HS2ST1: variants seen among roughly 807,000 people sequenced by gnomAD.
HS2ST1 encodes the protein 2-O-sulfotransferase.
HS2ST1 carries 18 observed loss-of-function variants against 42.9 expected under a neutral mutation model. The observed-to-expected ratio is 0.42, with a 90% CI of 0.29 to 0.62. The LOEUF is 0.62. HS2ST1 is among the 20% of genes least tolerant of loss of function. HS2ST1 has a pLI of 0.21. For missense variants in HS2ST1, 334 were observed against 433.8 expected (o/e 0.77, Z 2.04); for synonymous variants, 146 against 152.9 (o/e 0.95, Z 0.33).
At position 87,072,823 on chromosome 1, in the gene HS2ST1, T is replaced by C; in HGVS notation, c.125-111T>C. ...TCCATATCCCTTGGTTCTTTGCTTT[T>C]GTTTTTTGTTTTCTTTTTTGTATCT... is the stretch of plus-strand genomic sequence containing the variant. On this transcript the variant is annotated intron_variant, in intron 1 of 6. Transcript: ENST00000370550. The C allele has an allele frequency of 6.6e-6, 5 of 761,238 alleles. No homozygotes were observed. In the South Asian group the frequency reaches 7.5e-5, roughly 11 times the overall value. 47.2% of individuals were successfully genotyped at this position (761,238 alleles called of 1,614,324 possible).
At chr1:86,958,619 T>C (rs1172813102) in intron 1 of HS2ST1, 1 of 152,232 alleles carries the variant, frequency 6.6e-6, no homozygotes, top group Non-Finnish European at 1.5e-5. Flanking sequence ...AAAAGCTAAA[T>C]GTTTTATTTT....
At chr1:87,030,163 G>C (rs1650192347) in intron 1 of HS2ST1, among the ~76,000 whole-genome samples, 1 of 152,152 alleles carries the variant, frequency 6.6e-6, no homozygotes, top group African/African-American at 2.4e-5. Context: ...TATGCTGGTT[G>C]ACTGTTTTAC....
At chr1:87,088,916 A>G (rs896072000) in intron 3 of HS2ST1, among the ~76,000 whole-genome samples, 19 of 152,052 alleles carry the variant, frequency 1.2e-4, no homozygotes, top group Admixed American at 3.9e-4. Flanking sequence ...GAAAGTTTCT[A>G]TGAAGCTTTA....
At chr1:86,916,730 T>G (rs1328327365) in intron 1 of HS2ST1, among the ~76,000 whole-genome samples, 1 of 152,236 alleles carries the variant, frequency 6.6e-6, no homozygotes, top group African/African-American at 2.4e-5. Flanking sequence ...CAGGGTCATA[T>G]TCTGGCGTTA....
chr1:87,025,971 TTC>T (rs1650077580), intron 1 of HS2ST1, among the ~76,000 whole-genome samples: 1 of 152,228 alleles, frequency 6.6e-6, no homozygotes, highest in African/African-American at 2.4e-5. Context: ...CTGAGGCTGT[TTC>T]TATGATTTAA....
At chr1:87,091,389 A>C (rs1651939121) in intron 3 of HS2ST1, among the ~76,000 whole-genome samples, 1 of 152,016 alleles carries the variant, frequency 6.6e-6, no homozygotes, top group South Asian at 2.1e-4. Context: ...TTAGATCAAT[A>C]AGGTGGTACC....
chr1:86,959,843 A>G (rs545918079), intron 1 of HS2ST1, among the ~76,000 whole-genome samples: 4 of 152,254 alleles, frequency 2.6e-5, no homozygotes, highest in South Asian at 4.1e-4. Flanking sequence ...GGCAGACTCA[A>G]TATTGTTAAG....
At chr1:87,095,633 A>ATAACTAT (rs1652042970) in intron 4 of HS2ST1, among the ~76,000 whole-genome samples, 1 of 152,198 alleles carries the variant, frequency 6.6e-6, no homozygotes, top group Non-Finnish European at 1.5e-5. Flanking sequence ...TGAGCATTGA[A>ATAACTAT]TAACTATATC....
rs74099365 is a variant in HS2ST1, at chr1:86,947,436, C to T, written c.124+32276C>T. Reference sequence around the variant, plus strand: ...ATTCCAGAAAAATATCTGTTGTTTGCGTATTACTTGCCCTTGTTTAGTATA... The same window carrying T: ...ATTCCAGAAAAATATCTGTTGTTTGTGTATTACTTGCCCTTGTTTAGTATA... On this transcript the variant is annotated intron_variant, in intron 1 of 6. Coordinates refer to ENST00000370550, the MANE Select transcript of HS2ST1 (RefSeq NM_012262.4). 3.6e-3 allele frequency among the ~76,000 whole-genome samples: 543 copies of T among 152,210 alleles called. 2 individuals carry two copies. The highest frequency in any genetic ancestry group is 0.013 in the African/African-American group (520 of 41,534).
At chr1:87,039,907 A>G (rs10127488) in intron 1 of HS2ST1, among the ~76,000 whole-genome samples, 105,912 of 152,088 alleles carry the variant, frequency 0.7, 39,173 homozygotes, top group East Asian at 0.97. Context: ...GAGTGACAGT[A>G]TTCAATGCAA....
chr1:87,006,924 G>A (rs370120033), intron 1 of HS2ST1, among the ~76,000 whole-genome samples: 5 of 151,942 alleles, frequency 3.3e-5, no homozygotes, highest in African/African-American at 4.8e-5. Flanking sequence ...TTCATTATAC[G>A]GCTGCTAGTA....
Position 86,966,138 on chromosome 1 carries a change from C to G in HS2ST1, c.124+50978C>G, listed in dbSNP as rs562347046. ...TATTTCTCTGGTAGGGGCTTCTTGT[C>G]CTTTGTGACTTTAGCTCTTATCAGA... On this transcript the variant is annotated intron_variant, in intron 1 of 6. Transcript: ENST00000370550. Among the ~76,000 whole-genome samples the G allele has an allele frequency of 3.0e-4, 45 of 152,286 alleles. No homozygotes were observed. In the South Asian group the frequency reaches 9.1e-3, roughly 31 times the overall value.
chr1:87,072,940 C>G lies in HS2ST1; in HGVS notation c.131C>G (p.Ala44Gly), dbSNP rs1651453702. The G allele has an allele frequency of 3.7e-6, 6 of 1,612,412 alleles. No individual in the cohort carries two copies. The highest frequency in any genetic ancestry group is 5.1e-6 in the Non-Finnish European group (6 of 1,178,596). Residue 44 changes from alanine to glycine, a missense_variant, in exon 2 of 7, where the codon GCT becomes GGT. By Grantham distance (60) the Ala-to-Gly change is moderately conservative (BLOSUM62 0). Coordinates refer to ENST00000370550, the MANE Select transcript of HS2ST1 (RefSeq NM_012262.4). ...LEESRSKLER[A>G]IARHEVREIE... ...TATCTGTTTTTCTTTCCAGAAAGGG[C>G]TATTGCAAGACACGAAGTCCGAGAA...
At chr1:87,057,507 G>A (rs1650999976) in intron 1 of HS2ST1, among the ~76,000 whole-genome samples, 1 of 151,342 alleles carries the variant, frequency 6.6e-6, no homozygotes, top group African/African-American at 2.4e-5. Context: ...GTGCCTCCAA[G>A]GACTTTGCTC....
intron 1 of HS2ST1, among the ~76,000 whole-genome samples, chr1:86,966,540 C>T (rs560460171): frequency 3.9e-5 from 6 of 152,256 alleles, no homozygotes; most frequent in African/African-American, 1.2e-4. Context: ...GGATTAGAAA[C>T]GTGATGGGAA....
intron 1 of HS2ST1, among the ~76,000 whole-genome samples, chr1:86,985,553 T>TACACACATATATATACACAC (rs1648757579): frequency 2.7e-5 from 1 of 37,408 alleles, no homozygotes; most frequent in Non-Finnish European, 6.6e-5. Context: ...CACATATATA[T>TACACACATATATATACACAC]ACACACACAC....
At chr1:87,092,270 T>G (rs548662490) in intron 3 of HS2ST1, among the ~76,000 whole-genome samples, 1 of 152,192 alleles carries the variant, frequency 6.6e-6, no homozygotes, top group South Asian at 2.1e-4. Flanking sequence ...TGGTAAAGTT[T>G]AAAATTATTT....
intron 1 of HS2ST1, among the ~76,000 whole-genome samples, chr1:86,959,335 A>T (rs533971680): frequency 6.6e-6 from 1 of 152,228 alleles, no homozygotes; most frequent in East Asian, 1.9e-4. Context: ...GAAAGTCCCA[A>T]CAAATCACAA....
At chr1:86,945,789 C>T (rs1647315755) in intron 1 of HS2ST1, among the ~76,000 whole-genome samples, 1 of 152,084 alleles carries the variant, frequency 6.6e-6, no homozygotes, top group African/African-American at 2.4e-5. Context: ...AATTTCTTGG[C>T]CAGGTGCAGT....
Sources: allele counts gnomAD v4.1 joint callset (sites outside exome capture counted in the v4.1 genomes callset), GRCh38; gene constraint gnomAD v4.1.1; transcripts MANE v1.5; gene names NCBI Gene and HGNC (gene_info 2026-07-23, HGNC 2026-07-21).